ATP8B1: variants seen among roughly 807,000 people sequenced by gnomAD.
ATP8B1 encodes phospholipid-transporting ATPase IC.
Under a neutral mutation model 149.9 loss-of-function variants are expected in ATP8B1, and 80 were observed. The ratio of observed to expected loss-of-function variants is 0.53; its 90% CI spans 0.45 to 0.64. ATP8B1 has a LOEUF of 0.64. ATP8B1 is among the 30% of genes least tolerant of loss of function. The pLI is 0.00. For synonymous variants in ATP8B1, 536 were observed against 562.8 expected (o/e 0.95, Z 0.67); for missense variants, 1,247 against 1,552.6 (o/e 0.80, Z 3.31).
intron 20 of ATP8B1, 102 bp from the exon 21 acceptor site, chr18:57,662,717 G>T: frequency 7.7e-7 from 1 of 1,303,706 alleles, no homozygotes; most frequent in Non-Finnish European, 1.1e-6. Context: ...AAAAAACAAA[G>T]TTTACCATCT....
At chr18:57,753,150 A>G (rs1316382455) in intron 1 of ATP8B1, among the ~76,000 whole-genome samples, 1 of 152,274 alleles carries the variant, frequency 6.6e-6, no homozygotes, top group African/African-American at 2.4e-5. Flanking sequence ...TGTGTCAACA[A>G]GGGAAGAGAG....
intron 22 of ATP8B1, among the ~76,000 whole-genome samples, chr18:57,656,137 A>G (rs1395951446): frequency 6.6e-6 from 1 of 152,084 alleles, no homozygotes; most frequent in African/African-American, 2.4e-5. Context: ...TCTTCTGGTA[A>G]GTGACCCAGC....
chr18:57,789,634 C>T (rs960257545), intron 1 of ATP8B1, among the ~76,000 whole-genome samples: 10 of 152,160 alleles, frequency 6.6e-5, no homozygotes, highest in Non-Finnish European at 8.8e-5. Flanking sequence ...CCATACAAAG[C>T]GCCCCTTTCC....
chr18:57,661,642 C>T (rs1294296790), intron 21 of ATP8B1, among the ~76,000 whole-genome samples, 180 bp from the exon 22 acceptor site: 8 of 140,314 alleles, frequency 5.7e-5, no homozygotes, highest in Admixed American at 2.1e-4. Context: ...TATGTATATA[C>T]ACACGCACAC....
At position 57,803,192 on chromosome 18, in the gene ATP8B1, G is replaced by T. The variant is rs575868770; in HGVS notation, c.-220C>A. 1.5e-3 allele frequency: 222 copies of T among 152,726 alleles called. 3 individuals are homozygous for T. The highest frequency in any genetic ancestry group is 1.9e-3 in the Non-Finnish European group (131 of 68,402). The allele number at this position is 152,726 out of a possible 1,614,324, so 9.5% of individuals were successfully genotyped here. On this transcript the variant is annotated 5_prime_UTR_variant, in exon 1 of 28. Coordinates refer to ENST00000648908, the MANE Select transcript of ATP8B1 (RefSeq NM_001374385.1). ...GGCGGCGGCACCTCCGGCTCTCGCG[G>T]CTCGCTAGTGGCTCCCCCGCCTTTC...
chr18:57,749,966 G>A (rs2080000517), intron 1 of ATP8B1, among the ~76,000 whole-genome samples: 1 of 152,176 alleles, frequency 6.6e-6, no homozygotes, highest in Non-Finnish European at 1.5e-5. Flanking sequence ...TTTAGTGCCG[G>A]GTGCAGTGGC....
At chr18:57,648,907 T>C (rs1909402129) in intron 27 of ATP8B1, among the ~76,000 whole-genome samples, 195 bp from the exon 28 acceptor site, 1 of 152,042 alleles carries the variant, frequency 6.6e-6, no homozygotes, top group African/African-American at 2.4e-5. Context: ...TATATCTTTT[T>C]TTTTGTTTTT....
At chr18:57,750,487 C>T (rs943594903) in intron 1 of ATP8B1, among the ~76,000 whole-genome samples, 9 of 152,174 alleles carry the variant, frequency 5.9e-5, no homozygotes, top group African/African-American at 1.4e-4. Context: ...TCAAATATTT[C>T]GGAGTTGTGA....
intron 1 of ATP8B1, among the ~76,000 whole-genome samples, chr18:57,758,469 C>T (rs961497751): frequency 2.8e-5 from 4 of 144,114 alleles, no homozygotes; most frequent in Non-Finnish European, 3.1e-5. Flanking sequence ...GGAGAAACCC[C>T]GTCTCTACTA....
chr18:57,666,994 G>A lies in ATP8B1; in HGVS notation c.2285+98C>T, dbSNP rs546587378. 9.0e-5 allele frequency: 100 copies of A among 1,114,706 alleles called. 4 individuals are homozygous for A. The South Asian group carries it at 1.2e-3, about 13-fold the overall frequency. 69.1% of individuals were successfully genotyped at this position (1,114,706 alleles called of 1,614,324 possible). ...AGGAAACTGCCCCAAGTGACACATC[G>A]TAACCCCTATTTCTTCATATCTGCT... On this transcript the variant is annotated intron_variant, in intron 20 of 27. Transcript: ENST00000648908.
intron 1 of ATP8B1, chr18:57,755,542 G>A (rs78061937): frequency 5.1e-4 from 78 of 152,152 alleles, no homozygotes; most frequent in African/African-American, 1.4e-3. Flanking sequence ...AATGTCCTGC[G>A]GATTTGACAG....
intron 1 of ATP8B1, among the ~76,000 whole-genome samples, chr18:57,756,824 G>A (rs1037764986): frequency 2.6e-5 from 4 of 152,256 alleles, no homozygotes; most frequent in African/African-American, 2.4e-5. Flanking sequence ...GCCCCTTGTC[G>A]GTGATTGCAT....
At chr18:57,653,315 C>T (rs1478769623) in intron 24 of ATP8B1, among the ~76,000 whole-genome samples, 4 of 127,784 alleles carry the variant, frequency 3.1e-5, no homozygotes, top group Non-Finnish European at 4.8e-5. Flanking sequence ...GACAGGGTCT[C>T]ACTTTGTTGC....
rs537871866 is a variant in ATP8B1 at position 57,669,405 on chromosome 18, A to G, written c.2010T>C (p.Asn670=). The change falls in exon 18 of 28, where the codon AAT becomes AAC. Residue 670 remains asparagine, a synonymous_variant. Coordinates refer to ENST00000648908, the MANE Select transcript of ATP8B1 (RefSeq NM_001374385.1). The stretch of plus-strand genomic sequence containing the variant: ...CCACACTGGCAGCCATAAACTTTTT[A>G]TTCCATTCTGTAAATTCTTTTTCTT... ...EIEEKEFTEW[N]KKFMAASVAS... is the part of the protein sequence containing the mutation. 4.4e-5 allele frequency: 71 copies of G among 1,613,892 alleles called. No homozygotes were observed. In the South Asian group the frequency reaches 7.6e-4, roughly 17 times the overall value.
At chr18:57,763,963 G>A (rs1321501114) in intron 1 of ATP8B1, among the ~76,000 whole-genome samples, 2 of 152,158 alleles carry the variant, frequency 1.3e-5, no homozygotes, top group Non-Finnish European at 2.9e-5. Context: ...TGTTTCACAT[G>A]CTTCGTTCAT....
intron 2 of ATP8B1, among the ~76,000 whole-genome samples, chr18:57,715,871 T>C (rs745831354): frequency 2.0e-5 from 3 of 152,174 alleles, no homozygotes; most frequent in Admixed American, 1.3e-4. Context: ...ACGATGTTAG[T>C]GAGCAATAAG....
intron 17 of ATP8B1, among the ~76,000 whole-genome samples, 187 bp downstream of exon 17, chr18:57,671,281 A>G (rs1911204645): frequency 6.6e-6 from 1 of 152,200 alleles, no homozygotes; most frequent in African/African-American, 2.4e-5. Flanking sequence ...ATATCCCAGG[A>G]AGTCAGTGGC....
Position 57,652,609 on chromosome 18 carries a change from T to A in ATP8B1, c.3136A>T (p.Ile1046Phe). The A allele has an allele frequency of 2.5e-6, 4 of 1,614,166 alleles. No individual in the cohort carries two copies. Among genetic ancestry groups the A allele is most frequent in the Non-Finnish European group, 3.4e-6 (4 of 1,180,028 alleles). Residue 1046 changes from isoleucine (I) to phenylalanine (F), a missense_variant, in exon 25 of 28, where the codon ATC becomes TTC. Physicochemically the swap from Ile to Phe is conservative, Grantham distance 21. Coordinates refer to ENST00000648908, the MANE Select transcript of ATP8B1 (RefSeq NM_001374385.1). ...GCTCCAAGAGGTATGAAGAAGAGGA[T>A]CATCGATGTTAGGACCCCATGCAAC... ...SLLHGVLTSM[I>F]LFFIPLGAYL...
intron 21 of ATP8B1, 145 bp downstream of exon 21, chr18:57,662,336 TAA>T: frequency 2.3e-6 from 2 of 866,584 alleles, no homozygotes; most frequent in Admixed American, 5.0e-5. Context: ...CATATATTAT[TAA>T]GTCTCAAACT....
Sources: gnomAD v4.1 joint callset for allele counts (sites outside exome capture counted in the v4.1 genomes callset) on GRCh38, gnomAD v4.1.1 for gene constraint, MANE v1.5 for transcripts, NCBI Gene and HGNC (gene_info 2026-07-23, HGNC 2026-07-21) for gene names.